The following C9orf85 variants were observed in gnomAD, a reference collection of about 807,000 sequenced individuals.
C9orf85 encodes chromosome 9 open reading frame 85.
In C9orf85, 16 loss-of-function variants were observed where a neutral mutation model predicts 14.9. The observed-to-expected ratio is 1.08, with a 90% CI of 0.73 to 1.63. The LOEUF (loss-of-function observed/expected upper bound fraction) is 1.63, where lower values mean the gene tolerates loss of function less well. Ranked by LOEUF, C9orf85 falls within the 40% of genes most tolerant of loss-of-function variation. The probability of loss-of-function intolerance (pLI) is 0.00; values close to 1 mark genes in which losing one functional copy is unlikely to be tolerated. For missense variants in C9orf85, 172 were observed against 186.1 expected (o/e 0.92, Z 0.44); for synonymous variants, 45 against 56.8 (o/e 0.79, Z 0.93).
chr9:71,957,010 C>G (rs10869071), intron 2 of C9orf85, among the ~76,000 whole-genome samples: 9,016 of 151,074 alleles, frequency 0.06, 378 homozygotes, highest in Non-Finnish European at 0.088. Flanking sequence ...TAAGTAGACA[C>G]GAGGTTTCAC....
chr9:71,933,164 T>C (rs1243336154), intron 1 of C9orf85, among the ~76,000 whole-genome samples: 2 of 152,180 alleles, frequency 1.3e-5, no homozygotes, highest in African/African-American at 2.4e-5. Flanking sequence ...ATTTTGGGGA[T>C]TCCAGAAGGA....
chr9:71,941,602 T>A (rs1435471092), intron 1 of C9orf85, among the ~76,000 whole-genome samples: 2 of 152,220 alleles, frequency 1.3e-5, no homozygotes, highest in Non-Finnish European at 2.9e-5. Flanking sequence ...ACTTGCTTGT[T>A]ACTTTCAAAA....
rs60679424 is a variant in C9orf85 at position 71,972,995 on chromosome 9, A to G, written c.*153A>G. 5,595 of 426,168 alleles carry G rather than the reference A, an allele frequency of 0.013. 292 individuals carry two copies. The highest frequency in any genetic ancestry group is 0.11 in the African/African-American group (5,106 of 48,288). 26.4% of individuals were successfully genotyped at this position (426,168 alleles called of 1,614,324 possible). ...CCCATCTCCACTAAAAGTACAAAAAATTAGCTGGGCGTGGTGGCTCATGCC... is the reference window on the plus strand; with the variant it reads ...CCCATCTCCACTAAAAGTACAAAAAGTTAGCTGGGCGTGGTGGCTCATGCC... On this transcript the variant is annotated 3_prime_UTR_variant, in exon 4 of 4. Coordinates refer to ENST00000334731, the MANE Select transcript of C9orf85 (RefSeq NM_182505.5).
At position 71,911,700 on chromosome 9, in the gene C9orf85, C is replaced by T. The variant is rs1472083610; in HGVS notation, c.-35C>T. On this transcript the variant is annotated 5_prime_UTR_variant, in exon 1 of 4. Coordinates refer to ENST00000334731, the MANE Select transcript of C9orf85 (RefSeq NM_182505.5). Reference sequence around the variant, plus strand: ...GGTTTTCTTTCCCCTCATCCTTTTGCCTGCTCCCGGCGAGGGGTGGCTTTG... The same window carrying T: ...GGTTTTCTTTCCCCTCATCCTTTTGTCTGCTCCCGGCGAGGGGTGGCTTTG... 1.9e-6 allele frequency: 3 copies of T among 1,582,228 alleles called. No homozygotes were observed. The highest frequency in any genetic ancestry group is 3.3e-5 in the Admixed American group (2 of 59,968).
chr9:71,963,354 G>A (rs1280107446), intron 2 of C9orf85, among the ~76,000 whole-genome samples: 1 of 152,124 alleles, frequency 6.6e-6, no homozygotes, highest in African/African-American at 2.4e-5. Flanking sequence ...TTCCAAGATG[G>A]TGGTGAGAGG....
intron 2 of C9orf85, 137 bp from the exon 3 acceptor site, chr9:71,971,368 A>G: frequency 2.1e-6 from 1 of 475,628 alleles, no homozygotes; most frequent in Non-Finnish European, 3.6e-6. Context: ...TTAGAGTGAC[A>G]TAAGATAAAC....
intron 1 of C9orf85, among the ~76,000 whole-genome samples, chr9:71,916,084 T>C (rs1325335320): frequency 6.6e-6 from 1 of 152,138 alleles, no homozygotes; most frequent in Non-Finnish European, 1.5e-5. Flanking sequence ...CAGGCATTAA[T>C]CAAATAATCT....
Position 71,928,186 on chromosome 9 carries a change from CAAAAAAAAAAAAAAAAAA to C in C9orf85, c.102+16362_102+16379del, listed in dbSNP as rs58238164. ...TGGGCAACAGAATGAGGCTCTGTCT[CAAAAAAAAAAAAAAAAAA>C]AAAAAAAAAAAGGCAATGGCTTATG... On this transcript the variant is annotated intron_variant, in intron 1 of 3. Transcript: ENST00000334731. Among the ~76,000 whole-genome samples, 9 of 74,278 alleles carry C rather than the reference CAAAAAAAAAAAAAAAAAA, an allele frequency of 1.2e-4. 1 individual carries two copies. The highest frequency in any genetic ancestry group is 7.8e-3 in the Middle Eastern group (1 of 128). The allele number at this position is 74,278 out of a possible 152,430, so 48.7% of individuals were successfully genotyped here.
In C9orf85 at chr9:71,971,536, T is replaced by A; in HGVS notation, c.241T>A (p.Ser81Thr). 6.2e-7 allele frequency: 1 copy of A among 1,606,954 alleles called. No homozygotes were observed. The highest frequency in any genetic ancestry group is 2.2e-5 in the East Asian group (1 of 44,572). ...ATGTTTACAAAAGACAGTGAAGGAT[T>A]CTTATCACATAATGTGCAGGCCATG... Reference protein sequence around the residue: ...VKCLQKTVKDSYHIMCRPCAC... With the variant: ...VKCLQKTVKDTYHIMCRPCAC... The change falls in exon 3 of 4, where the codon TCT (serine) becomes ACT (threonine). Residue 81 changes from serine to threonine, a missense_variant. Physicochemically the swap from Ser to Thr is moderately conservative, Grantham distance 58 (BLOSUM62 1). Coordinates refer to ENST00000334731, the MANE Select transcript of C9orf85 (RefSeq NM_182505.5).
downstream of C9orf85, chr9:71,985,955 C>CT (rs1182343208): frequency 1.3e-5 from 2 of 152,108 alleles, no homozygotes; most frequent in African/African-American, 4.8e-5. Flanking sequence ...TCATTTGCAA[C>CT]TTGTTAAATT....
At chr9:71,975,012 C>G (rs939082297), downstream of C9orf85, among the ~76,000 whole-genome samples, 11 of 152,074 alleles carry the variant, frequency 7.2e-5, no homozygotes, top group African/African-American at 2.7e-4. Flanking sequence ...GGATGTAATA[C>G]TAATTTACTG....
chr9:71,915,570 A>C (rs1230724913), intron 1 of C9orf85, among the ~76,000 whole-genome samples: 2 of 152,196 alleles, frequency 1.3e-5, no homozygotes, highest in African/African-American at 4.8e-5. Context: ...AAAGCCTAAA[A>C]AAATTAATTA....
chr9:71,914,694 T>C (rs1461802558), intron 1 of C9orf85, among the ~76,000 whole-genome samples: 2 of 152,236 alleles, frequency 1.3e-5, no homozygotes, highest in African/African-American at 2.4e-5. Context: ...ATTCAAATTT[T>C]GTGCCATTTC....
chr9:71,979,267 CGTTAT>C (rs1204283304), intron 3 of C9orf85, among the ~76,000 whole-genome samples: 1 of 152,114 alleles, frequency 6.6e-6, no homozygotes, highest in African/African-American at 2.4e-5. Context: ...ACCTTCGTGA[CGTTAT>C]GTTATGTGTG....
chr9:71,964,354 C>G (rs1008735264), intron 2 of C9orf85, among the ~76,000 whole-genome samples: 17 of 152,078 alleles, frequency 1.1e-4, no homozygotes, highest in Admixed American at 2.0e-4. Flanking sequence ...CCCTTCCACA[C>G]TGTGGAAGCT....
chr9:71,976,728 A>T (rs1250951513), downstream of C9orf85, among the ~76,000 whole-genome samples: 3 of 146,084 alleles, frequency 2.1e-5, no homozygotes. Context: ...ATAGCCCAGG[A>T]TTTTTTTTTT....
At chr9:71,977,510 TAA>T (rs748159633), downstream of C9orf85, among the ~76,000 whole-genome samples, 12 of 152,244 alleles carry the variant, frequency 7.9e-5, no homozygotes, top group East Asian at 3.8e-4. Context: ...AAATCTTATA[TAA>T]GATAGATCTT....
intron 2 of C9orf85, among the ~76,000 whole-genome samples, chr9:71,962,277 G>A (rs892205832): frequency 4.6e-5 from 7 of 152,232 alleles, no homozygotes; most frequent in African/African-American, 1.7e-4. Context: ...ACACAAGGAA[G>A]TGAACTGTGT....
chr9:71,919,790 T>A (rs1392244417), intron 1 of C9orf85, among the ~76,000 whole-genome samples: 1 of 152,148 alleles, frequency 6.6e-6, no homozygotes, highest in Non-Finnish European at 1.5e-5. Context: ...TTGGGGATGT[T>A]CCATATACTT....
Sources: gnomAD v4.1 joint callset for allele counts (sites outside exome capture counted in the v4.1 genomes callset) on GRCh38, gnomAD v4.1.1 for gene constraint, MANE v1.5 for transcripts, NCBI Gene and HGNC (gene_info 2026-07-23, HGNC 2026-07-21) for gene names.